CASP4: variants seen among roughly 807,000 people sequenced by gnomAD.
CASP4 encodes the protein caspase 4.
A neutral mutation model predicts 41.3 loss-of-function variants in CASP4; 29 were observed. The ratio of observed to expected loss-of-function variants is 0.70; its 90% confidence interval spans 0.52 to 0.96. The LOEUF (loss-of-function observed/expected upper bound fraction) is 0.96, where lower values mean the gene tolerates loss of function less well. Ranked by LOEUF, CASP4 falls within the 40% of genes least tolerant of loss-of-function variation. CASP4 has a pLI of 0.00. For missense variants in CASP4, 447 were observed against 460.6 expected, an observed-to-expected ratio of 0.97 and a Z score of 0.27; for synonymous variants, 185 against 158.4, an observed-to-expected ratio of 1.17 and a Z score of -1.26.
intron 7 of CASP4, 30 bp from the exon 8 acceptor site, chr11:104,944,881 T>A: frequency 7.4e-7 from 1 of 1,344,702 alleles, no homozygotes; most frequent in Non-Finnish European, 1.1e-6. Context: ...GTAGATGAGA[T>A]ACGACTCTTT....
chr11:104,962,883 C>T (rs1219653165), intron 1 of CASP4, among the ~76,000 whole-genome samples: 2 of 152,298 alleles, frequency 1.3e-5, no homozygotes, highest in Non-Finnish European at 2.9e-5. Context: ...CATAACTTTG[C>T]CATTTAATGA....
intron 1 of CASP4, among the ~76,000 whole-genome samples, chr11:104,955,885 A>T (rs1171090385): frequency 6.6e-6 from 1 of 152,134 alleles, no homozygotes; most frequent in Non-Finnish European, 1.5e-5. Flanking sequence ...AGATGTAAGG[A>T]TAGTGCTGAC....
chr11:104,955,151 A>G (rs1860709521), intron 1 of CASP4, 150 bp from the exon 2 acceptor site: 2 of 709,174 alleles, frequency 2.8e-6, no homozygotes, highest in Non-Finnish European at 4.5e-6. Context: ...TCTGTCATTC[A>G]TCATATTCCT....
rs56203786 is a variant in CASP4 at position 104,958,911 on chromosome 11, A to G, written c.8-3910T>C. Among the ~76,000 whole-genome samples the G allele has an allele frequency of 2.1e-3, 285 of 136,838 alleles. 4 individuals are homozygous for G. The highest frequency in any genetic ancestry group is 7.3e-3 in the African/African-American group (272 of 37,076). 89.8% of individuals were successfully genotyped at this position (136,838 alleles called of 152,430 possible). On this transcript the variant is annotated intron_variant, in intron 1 of 8. Transcript: ENST00000444739. ...TAGAGGCGGAGGTTGCAGTGAGCCT[A>G]GATTCCATGACTGCCCTCCAGCCTA... is the stretch of plus-strand genomic sequence containing the variant.
In CASP4 at chr11:104,967,799, G is replaced by A. The variant is rs144149738; in HGVS notation, c.7+720C>T. Among the ~76,000 whole-genome samples, 71 of 152,232 alleles carry A rather than the reference G, an allele frequency of 4.7e-4. 1 individual carries two copies. Among genetic ancestry groups the A allele is most frequent in the African/African-American group, 1.6e-3 (67 of 41,532 alleles). ...TCTAGTCCAATTTCTTCCTTTTCCT[G>A]TGAGGAGAATGAAGCCAAAGAAGCG... is the stretch of plus-strand genomic sequence containing the variant. On this transcript the variant is annotated intron_variant, in intron 1 of 8. Coordinates refer to ENST00000444739, the MANE Select transcript of CASP4 (RefSeq NM_001225.4).
intron 1 of CASP4, among the ~76,000 whole-genome samples, chr11:104,957,216 TA>T (rs200296690): frequency 6.6e-6 from 1 of 151,826 alleles, no homozygotes; most frequent in Non-Finnish European, 1.5e-5. Flanking sequence ...AATTGCAGGA[TA>T]AAAAAAATCA....
chr11:104,952,054 A>G (rs1169101001), intron 2 of CASP4, 49 bp from the exon 3 acceptor site: 3 of 1,107,976 alleles, frequency 2.7e-6, no homozygotes, highest in South Asian at 2.5e-5. Context: ...TCTGTGACCC[A>G]ATTTATCACC....
intron 1 of CASP4, among the ~76,000 whole-genome samples, chr11:104,955,716 C>T (rs1311939406): frequency 6.6e-6 from 1 of 151,894 alleles, no homozygotes; most frequent in African/African-American, 2.4e-5. Context: ...TGTATTACTC[C>T]TTAGAGTAAT....
At chr11:104,950,718 T>C (rs1399943574) in intron 4 of CASP4, among the ~76,000 whole-genome samples, 1 of 152,062 alleles carries the variant, frequency 6.6e-6, no homozygotes. Context: ...CAATCATGTT[T>C]AGTCTAGTTT....
chr11:104,966,054 T>G (rs1284952077), intron 1 of CASP4, among the ~76,000 whole-genome samples: 1 of 152,162 alleles, frequency 6.6e-6, no homozygotes, highest in Non-Finnish European at 1.5e-5. Context: ...TTAAACGTTC[T>G]TATTTCTGAA....
intron 5 of CASP4, chr11:104,949,283 T>G (rs111709282): frequency 2.4e-5 from 12 of 497,384 alleles, no homozygotes; most frequent in African/African-American, 2.1e-4. Context: ...AGTTTGAGTA[T>G]TTCTGTTTAA....
At chr11:104,956,950 C>A (rs1319353136) in intron 1 of CASP4, among the ~76,000 whole-genome samples, 1 of 152,092 alleles carries the variant, frequency 6.6e-6, no homozygotes, top group Non-Finnish European at 1.5e-5. Flanking sequence ...AAACACACAG[C>A]TAACATCATA....
chr11:104,955,034 G>A (rs1381193804), intron 1 of CASP4, 33 bp from the exon 2 acceptor site: 2 of 1,602,720 alleles, frequency 1.2e-6, no homozygotes, highest in East Asian at 2.2e-5. Flanking sequence ...TTTAACTATG[G>A]GCACAGCTTA....
chr11:104,958,306 T>C (rs1433343007), intron 1 of CASP4, among the ~76,000 whole-genome samples: 1 of 151,940 alleles, frequency 6.6e-6, no homozygotes, highest in Non-Finnish European at 1.5e-5. Context: ...TAAAAAGCTT[T>C]TACACAGTCA....
At chr11:104,951,407 G>T in intron 3 of CASP4, 1 of 256,660 alleles carries the variant, frequency 3.9e-6, no homozygotes, top group Non-Finnish European at 7.5e-6. Flanking sequence ...AGATGTTGTC[G>T]TTGACTCCAG....
intron 5 of CASP4, 146 bp from the exon 6 acceptor site, chr11:104,948,822 A>ACACACG (rs1235313237): frequency 4.3e-6 from 2 of 463,782 alleles, no homozygotes; most frequent in Non-Finnish European, 7.5e-6. Flanking sequence ...AGAGAGAGAC[A>ACACACG]CACACACACA....
rs981242644 is a variant in CASP4 at position 104,948,900 on chromosome 11, T to C, written c.782-224A>G. 3.3e-5 allele frequency: 12 copies of C among 359,148 alleles called. No individual in the cohort carries two copies. In the East Asian group the frequency reaches 5.0e-4, roughly 15 times the overall value. 22.2% of individuals were successfully genotyped at this position (359,148 alleles called of 1,614,324 possible). A position where few individuals can be genotyped will look rare whatever the true frequency, so the allele number is the denominator to read the frequency against. ...CTACTGATAGTGAAATCATCTTGAA[T>C]TTACCATTTTCTAGAAAAAAAATCT... On this transcript the variant is annotated intron_variant, in intron 5 of 8. Coordinates refer to ENST00000444739, the MANE Select transcript of CASP4 (RefSeq NM_001225.4).
chr11:104,964,898 AAAC>A (rs1860939094), intron 1 of CASP4, among the ~76,000 whole-genome samples: 1 of 152,342 alleles, frequency 6.6e-6, no homozygotes, highest in East Asian at 1.9e-4. Context: ...TTTAAACAAA[AAAC>A]AGCCTAAATA....
At chr11:104,949,497 C>G (rs748269121) in intron 5 of CASP4, 46 bp downstream of exon 5, 2 of 1,586,474 alleles carry the variant, frequency 1.3e-6, no homozygotes, top group Non-Finnish European at 1.7e-6. Flanking sequence ...TCACAATCCT[C>G]TGCATACACC....
Sources: allele counts gnomAD v4.1 joint callset (sites outside exome capture counted in the v4.1 genomes callset), GRCh38; gene constraint gnomAD v4.1.1; transcripts MANE v1.5; gene names NCBI Gene and HGNC (gene_info 2026-07-23, HGNC 2026-07-21).